Variants in PELI2 observed in about 807,000 individuals in gnomAD.
PELI2 encodes pellino E3 ubiquitin protein ligase family member 2.
A neutral mutation model predicts 42.3 loss-of-function variants in PELI2; 23 were observed. That is an observed-to-expected ratio of 0.54 (90% CI 0.39 to 0.77). The LOEUF is 0.77. Ranked by LOEUF, PELI2 falls within the 30% of genes least tolerant of loss-of-function variation. The pLI, the probability that PELI2 is intolerant of heterozygous loss-of-function variation, is 0.00. For synonymous variants in PELI2, 245 were observed against 212.2 expected, an observed-to-expected ratio of 1.15 and a Z score of -1.34; for missense variants, 463 against 553.2, an observed-to-expected ratio of 0.84 and a Z score of 1.64.
Position 56,172,292 on chromosome 14 carries a change from G to A in PELI2, c.78-6043G>A, listed in dbSNP as rs1885205579. Among the ~76,000 whole-genome samples the A allele has an allele frequency of 2.0e-5, 3 of 152,276 alleles. No homozygotes were observed. In the South Asian group the frequency reaches 6.2e-4, roughly 32 times the overall value. ...CCTTAGCGGGGTGGCTGGAAGGGTG[G>A]GCTCTGCTGGGACCGCTGAGCAGAG... On this transcript the variant is annotated intron_variant, in intron 1 of 5. Coordinates refer to ENST00000267460, the MANE Select transcript of PELI2 (RefSeq NM_021255.3).
chr14:56,290,698 G>A (rs563603832), intron 5 of PELI2, among the ~76,000 whole-genome samples: 1 of 152,276 alleles, frequency 6.6e-6, no homozygotes, highest in Admixed American at 6.5e-5. Context: ...ACCACCTGAA[G>A]AGCATTATCT....
chr14:56,231,630 G>A (rs1887575854), intron 2 of PELI2, among the ~76,000 whole-genome samples: 1 of 152,164 alleles, frequency 6.6e-6, no homozygotes, highest in Admixed American at 6.5e-5. Flanking sequence ...GAAGTTTATA[G>A]CACTAAATGC....
chr14:56,184,615 A>G (rs533401329), intron 2 of PELI2, among the ~76,000 whole-genome samples: 5 of 152,208 alleles, frequency 3.3e-5, no homozygotes, highest in African/African-American at 1.2e-4. Flanking sequence ...AGGGATTTTC[A>G]TAAGGCTTGG....
chr14:56,226,817 T>C (rs868856769), intron 2 of PELI2, among the ~76,000 whole-genome samples: 2 of 152,236 alleles, frequency 1.3e-5, no homozygotes, highest in South Asian at 2.1e-4. Context: ...TTGACTGATA[T>C]TTAGTGAACT....
intron 2 of PELI2, among the ~76,000 whole-genome samples, chr14:56,277,039 T>G (rs1889318368): frequency 6.6e-6 from 1 of 152,240 alleles, no homozygotes; most frequent in Admixed American, 6.5e-5. Flanking sequence ...AATATTTTTA[T>G]AATGAAACAC....
chr14:56,252,426 A>G (rs1888378815), intron 2 of PELI2, among the ~76,000 whole-genome samples: 1 of 152,234 alleles, frequency 6.6e-6, no homozygotes, highest in South Asian at 2.1e-4. Flanking sequence ...TAGAAAATAT[A>G]GTTGTAAAGT....
chr14:56,210,245 A>G (rs1171096868), intron 2 of PELI2, among the ~76,000 whole-genome samples: 1 of 152,152 alleles, frequency 6.6e-6, no homozygotes, highest in East Asian at 1.9e-4. Context: ...GAAAGAGATC[A>G]ATCAGTGGAT....
rs902443602 is a variant in PELI2, at chr14:56,299,291, G to A, written c.*2125G>A. The A allele has an allele frequency of 5.3e-5, 8 of 152,166 alleles. No individual in the cohort carries two copies. The highest frequency in any genetic ancestry group is 2.4e-5 in the African/African-American group (1 of 41,422). The allele number at this position is 152,166 out of a possible 1,614,324, so 9.4% of individuals were successfully genotyped here. A position where few individuals can be genotyped will look rare whatever the true frequency, so the allele number is the denominator to read the frequency against. ...TTTATAAGTCTAGTCATTCTGCAAC[G>A]TGACATATCCCCCAAAATGAAGTTA... On this transcript the variant is annotated 3_prime_UTR_variant, in exon 6 of 6. Transcript: ENST00000267460.
rs80050474 is a variant in PELI2 at position 56,138,566 on chromosome 14, T to C, written c.77+19829T>C. ...GCTGCTTAATAGGAATATTATCGTT[T>C]TGACTTTTGTAACTTCGTAAAATGT... On this transcript the variant is annotated intron_variant, in intron 1 of 5. Transcript: ENST00000267460. Among the ~76,000 whole-genome samples, 1,050 of 152,326 alleles carry C rather than the reference T, an allele frequency of 6.9e-3. 16 individuals are homozygous for C. The highest frequency in any genetic ancestry group is 0.024 in the African/African-American group (980 of 41,560).
intron 2 of PELI2, among the ~76,000 whole-genome samples, chr14:56,183,396 A>G (rs1041066668): frequency 5.3e-5 from 8 of 152,244 alleles, no homozygotes; most frequent in African/African-American, 1.9e-4. Context: ...TGAAATAACA[A>G]CATCGAAAAA....
At chr14:56,271,863 T>G (rs1889116764) in intron 2 of PELI2, among the ~76,000 whole-genome samples, 1 of 152,168 alleles carries the variant, frequency 6.6e-6, no homozygotes, top group African/African-American at 2.4e-5. Context: ...AGTGAGGAGA[T>G]GCATGCTCAT....
At chr14:56,187,262 T>C (rs995224858) in intron 2 of PELI2, among the ~76,000 whole-genome samples, 1 of 152,226 alleles carries the variant, frequency 6.6e-6, no homozygotes, top group South Asian at 2.1e-4. Context: ...CAAACTAGAA[T>C]GCTGCAACCC....
intron 1 of PELI2, among the ~76,000 whole-genome samples, chr14:56,154,089 C>T (rs931435273): frequency 6.6e-6 from 1 of 151,878 alleles, no homozygotes; most frequent in Non-Finnish European, 1.5e-5. Context: ...ATTAAATTAC[C>T]CATTTCTAAT....
chr14:56,242,068 C>A (rs949379820), intron 2 of PELI2, among the ~76,000 whole-genome samples: 2 of 152,068 alleles, frequency 1.3e-5, no homozygotes, highest in Non-Finnish European at 2.9e-5. Context: ...TAGGCAGAGG[C>A]CTGTGGAAGG....
intron 2 of PELI2, among the ~76,000 whole-genome samples, chr14:56,226,333 TG>T (rs1887355415): frequency 6.6e-6 from 1 of 152,184 alleles, no homozygotes; most frequent in African/African-American, 2.4e-5. Flanking sequence ...TCAGCCTCAC[TG>T]GCCAGCCCAC....
At chr14:56,174,594 A>G (rs1885301752) in intron 1 of PELI2, among the ~76,000 whole-genome samples, 1 of 152,252 alleles carries the variant, frequency 6.6e-6, no homozygotes, top group East Asian at 1.9e-4. Context: ...GTGATAGTGA[A>G]TGAGTTCTCA....
rs1889172261 is a variant in PELI2 at position 56,273,384 on chromosome 14, T to TGAAGCCG, written c.208-6292_208-6291insGAAGCCG. On this transcript the variant is annotated intron_variant, in intron 2 of 5. Coordinates refer to ENST00000267460, the MANE Select transcript of PELI2 (RefSeq NM_021255.3). The surrounding 1 kb of genome is among the most constrained non-coding windows in gnomAD (Gnocchi z 4.3). ...CATGTGTCACATCCACGGCATTCTCTTGGTCATTGAGCAAGCTACTGAAGC... is the reference window on the plus strand; with the variant it reads ...CATGTGTCACATCCACGGCATTCTCTGAAGCCGTGGTCATTGAGCAAGCTACTGAAGC... Among the ~76,000 whole-genome samples, 1 of 152,224 alleles carries TGAAGCCG rather than the reference T, an allele frequency of 6.6e-6. No individual in the cohort carries two copies. Among genetic ancestry groups the TGAAGCCG allele is most frequent in the Admixed American group, 6.5e-5 (1 of 15,280 alleles).
At chr14:56,294,733 C>G (rs576154545) in intron 5 of PELI2, among the ~76,000 whole-genome samples, 1 of 152,220 alleles carries the variant, frequency 6.6e-6, no homozygotes. Flanking sequence ...CTGTCTCCAA[C>G]GCTGCATCAC....
chr14:56,121,626 T>C (rs953365380), intron 1 of PELI2, among the ~76,000 whole-genome samples: 12 of 152,228 alleles, frequency 7.9e-5, no homozygotes, highest in African/African-American at 2.7e-4. Context: ...GCTCAGGATT[T>C]GAGAGGCAGT....
Sources: gnomAD v4.1 joint callset for allele counts (sites outside exome capture counted in the v4.1 genomes callset) on GRCh38, gnomAD v4.1.1 for gene constraint, Gnocchi (gnomAD v3.1) non-coding constraint, MANE v1.5 for transcripts, NCBI Gene and HGNC (gene_info 2026-07-23, HGNC 2026-07-21) for gene names.